The following PIEZO1 variants were observed in gnomAD, a reference collection of about 807,000 sequenced individuals.
The protein encoded by PIEZO1 is piezo type mechanosensitive ion channel component 1 (Er blood group).
PIEZO1 carries 296 observed loss-of-function variants against 297.2 expected under a neutral mutation model. The observed-to-expected ratio is 1.00, with a 90% CI of 0.91 to 1.10. PIEZO1 has a LOEUF of 1.10. Among genes scored for constraint, PIEZO1 ranks in the 50% least tolerant of loss-of-function variants. The probability of loss-of-function intolerance (pLI) is 0.00; values close to 1 mark genes in which losing one functional copy is unlikely to be tolerated. For synonymous variants in PIEZO1, 2,427 were observed against 1,507.5 expected, an observed-to-expected ratio of 1.61 and a Z score of -14.13; for missense variants, 5,018 against 3,455.5, an observed-to-expected ratio of 1.45 and a Z score of -11.34.
At position 88,775,985 on chromosome 16, in the gene PIEZO1, G is replaced by T. The variant is rs146504772; in HGVS notation, c.64+8916C>A. Among the ~76,000 whole-genome samples the T allele has an allele frequency of 5.1e-3, 777 of 152,262 alleles. 18 individuals carry two copies. Among genetic ancestry groups the T allele is most frequent in the Admixed American group, 0.039 (593 of 15,302 alleles). ...GCCACGGGAGGCGCCAACCAGAGCCGGAGCCTGGCTCCAGCATGCGCAGCA... is the reference window on the plus strand; with the variant it reads ...GCCACGGGAGGCGCCAACCAGAGCCTGAGCCTGGCTCCAGCATGCGCAGCA... On this transcript the variant is annotated intron_variant, in intron 1 of 50. Transcript: ENST00000301015.
intron 1 of PIEZO1, among the ~76,000 whole-genome samples, chr16:88,767,214 T>A (rs974291434): frequency 6.6e-6 from 1 of 152,170 alleles, no homozygotes; most frequent in South Asian, 2.1e-4. Context: ...GGGACATCCT[T>A]ACGGGAAGGA....
In PIEZO1 at chr16:88,719,559, C is replaced by T. The variant is rs973141674; in HGVS notation, c.6471+15G>A. On this transcript the variant is annotated intron_variant, in intron 44 of 50. Transcript: ENST00000301015. ...CCCTGGCCCTTGTCCCGGCCCCCGC[C>T]CTGGGCCCAGGCACCTTCTCTGTCT... The T allele has an allele frequency of 2.6e-6, 4 of 1,549,974 alleles. No individual in the cohort carries two copies. The South Asian group carries it at 3.6e-5, about 14-fold the overall frequency.
At chr16:88,717,372 C>T in intron 44 of PIEZO1, 161 bp from the exon 45 acceptor site, 1 of 673,536 alleles carries the variant, frequency 1.5e-6, no homozygotes, top group Non-Finnish European at 2.7e-6. Flanking sequence ...TGGAGTAGAA[C>T]TAAGAGTCCA....
In PIEZO1 at chr16:88,737,534, A is replaced by G. The variant is rs554896881; in HGVS notation, c.1195+25T>C. The G allele has an allele frequency of 9.5e-6, 14 of 1,468,656 alleles. No homozygotes were observed. The Middle Eastern group carries it at 9.1e-4, about 96-fold the overall frequency. The allele number at this position is 1,468,656 out of a possible 1,614,324, so 91.0% of individuals were successfully genotyped here. ...TCCGCCCCGCCCCCCGCACCCAGCC[A>G]TACCTTGCAGTGTGCGGTACTCACC... On this transcript the variant is annotated intron_variant, in intron 10 of 50. Coordinates refer to ENST00000301015, the MANE Select transcript of PIEZO1 (RefSeq NM_001142864.4).
chr16:88,726,747 CGTT>C lies in PIEZO1; in HGVS notation c.3664_3666del (p.Asn1222del), dbSNP rs1270192494. The C allele has an allele frequency of 2.6e-6, 4 of 1,549,872 alleles. No individual in the cohort carries two copies. In the South Asian group the frequency reaches 3.6e-5, roughly 14 times the overall value. ...ATGTTCTTGGAGATGATGACGGTGA[CGTT>C]GTACAGAATGAGGCAGTCCCACAGC... On this transcript the variant is annotated inframe_deletion, in exon 25 of 51. Coordinates refer to ENST00000301015, the MANE Select transcript of PIEZO1 (RefSeq NM_001142864.4).
At position 88,715,429 on chromosome 16, in the gene PIEZO1, G is replaced by A; in HGVS notation, c.*176C>T. ...GGGACGGCAGCGCCACGCAGGCCGT[G>A]GGGACGCAGTGTCCTTCTCTGACAG... On this transcript the variant is annotated 3_prime_UTR_variant, in exon 51 of 51. Coordinates refer to ENST00000301015, the MANE Select transcript of PIEZO1 (RefSeq NM_001142864.4). The A allele has an allele frequency of 1.1e-6, 1 of 922,610 alleles. No individual in the cohort carries two copies. The highest frequency in any genetic ancestry group is 1.6e-6 in the Non-Finnish European group (1 of 623,072). The allele number at this position is 922,610 out of a possible 1,614,324, so 57.2% of individuals were successfully genotyped here. A position where few individuals can be genotyped will look rare whatever the true frequency, so the allele number is the denominator to read the frequency against.
intron 2 of PIEZO1, among the ~76,000 whole-genome samples, chr16:88,749,108 C>T (rs1030696985): frequency 2.3e-4 from 35 of 151,708 alleles, no homozygotes; most frequent in African/African-American, 5.1e-4. Flanking sequence ...GGCGTGGTGG[C>T]GGGCGCCTGT....
At chr16:88,754,597 G>A (rs1906561210) in intron 1 of PIEZO1, among the ~76,000 whole-genome samples, 1 of 152,200 alleles carries the variant, frequency 6.6e-6, no homozygotes, top group Non-Finnish European at 1.5e-5. Context: ...AGGCCTGAAG[G>A]ACTGTCACAG....
rs149342271 is a variant in PIEZO1, at chr16:88,720,536, C to A, written c.5802-4G>T. On this transcript the variant is annotated splice_polypyrimidine_tract_variant and splice_region_variant and intron_variant, in intron 40 of 50. Coordinates refer to ENST00000301015, the MANE Select transcript of PIEZO1 (RefSeq NM_001142864.4). ...CGGCCGATATGTGCCCTGGGCCCTGCGGAAGGGGGCGCTCAGCCTGGGCCC... is the reference window on the plus strand; with the variant it reads ...CGGCCGATATGTGCCCTGGGCCCTGAGGAAGGGGGCGCTCAGCCTGGGCCC... 4 of 1,549,434 alleles carry A rather than the reference C, an allele frequency of 2.6e-6. No individual in the cohort carries two copies. The highest frequency in any genetic ancestry group is 3.5e-6 in the Non-Finnish European group (4 of 1,146,832).
intron 22 of PIEZO1, among the ~76,000 whole-genome samples, chr16:88,730,098 C>T (rs974773876): frequency 6.6e-6 from 1 of 152,220 alleles, no homozygotes; most frequent in African/African-American, 2.4e-5. Flanking sequence ...CGGTGATGCT[C>T]GAAAGCAGAT....
chr16:88,763,213 G>A (rs898748571), intron 1 of PIEZO1, among the ~76,000 whole-genome samples: 6 of 152,170 alleles, frequency 3.9e-5, no homozygotes, highest in Non-Finnish European at 8.8e-5. Context: ...GGCGGCTCAG[G>A]GCACTTACGG....
intron 22 of PIEZO1, among the ~76,000 whole-genome samples, chr16:88,730,294 G>A (rs1448812331): frequency 6.6e-6 from 1 of 152,224 alleles, no homozygotes; most frequent in Non-Finnish European, 1.5e-5. Context: ...GCGCCTGGGA[G>A]CAGAAAACAA....
intron 1 of PIEZO1, among the ~76,000 whole-genome samples, chr16:88,778,082 CTAGACA>C (rs1907749753): frequency 6.6e-6 from 1 of 152,180 alleles, no homozygotes; most frequent in Non-Finnish European, 1.5e-5. Context: ...CTGGAGGCTT[CTAGACA>C]CACGGGAGGG....
chr16:88,751,397 T>C (rs1906381092), intron 1 of PIEZO1, among the ~76,000 whole-genome samples: 1 of 152,092 alleles, frequency 6.6e-6, no homozygotes, highest in Non-Finnish European at 1.5e-5. Flanking sequence ...CTTCCCACTC[T>C]CAACAGCTTC....
rs59177269 is a variant in PIEZO1, at chr16:88,747,231, G to GA, written c.160+2152dup. On this transcript the variant is annotated intron_variant, in intron 2 of 50. Transcript: ENST00000301015. ...GGGCAACCAAGCAAGACCCCCACTC[G>GA]AAAAAAAAAAAAAAAGCCAAGCACG... is the stretch of plus-strand genomic sequence containing the variant. Among the ~76,000 whole-genome samples the GA allele has an allele frequency of 6.7e-3, 810 of 121,486 alleles. 4 individuals are homozygous for GA. Among genetic ancestry groups the GA allele is most frequent in the Middle Eastern group, 0.014 (3 of 214 alleles). The allele number at this position is 121,486 out of a possible 152,430, so 79.7% of individuals were successfully genotyped here. A position where few individuals can be genotyped will look rare whatever the true frequency, so the allele number is the denominator to read the frequency against.
intron 44 of PIEZO1, chr16:88,717,590 A>T: frequency 2.1e-6 from 1 of 470,376 alleles, no homozygotes; most frequent in Non-Finnish European, 4.2e-6. Context: ...GAACTTTTAG[A>T]AGAAAACGGG....
intron 44 of PIEZO1, 158 bp from the exon 45 acceptor site, chr16:88,717,369 G>A: frequency 1.5e-6 from 1 of 676,282 alleles, no homozygotes. Flanking sequence ...CAGTGGAGTA[G>A]AACTAAGAGT....
rs981420397 is a variant in PIEZO1, at chr16:88,737,943, G to C, written c.1011C>G (p.Pro337=). ...ASLRKLRAYR[P]SGQRKEAAKG... ...GGTGGCAGGTGCTCACCTGGCCGGA[G>C]GGGCGGTACGCGCGGAGCTTGCGCA... Residue 337 remains proline (P), a synonymous_variant, in exon 8 of 51, where the codon CCC becomes CCG. Transcript: ENST00000301015. The C allele has an allele frequency of 3.9e-6, 6 of 1,530,024 alleles. No individual in the cohort carries two copies. In the African/African-American group the frequency reaches 8.2e-5, roughly 21 times the overall value. 94.8% of individuals were successfully genotyped at this position (1,530,024 alleles called of 1,614,324 possible).
rs766867419 is a variant in PIEZO1 at position 88,737,828 on chromosome 16, C to A, written c.1021-14G>T. On this transcript the variant is annotated splice_polypyrimidine_tract_variant and intron_variant, in intron 8 of 50. Coordinates refer to ENST00000301015, the MANE Select transcript of PIEZO1 (RefSeq NM_001142864.4). ...CGCCTCCTTCCTCTGCAGAGACCAG[C>A]GTCTTGAGCCCAAACCAGCTCCACA... The A allele has an allele frequency of 2.0e-6, 3 of 1,535,362 alleles. No homozygotes were observed. The highest frequency in any genetic ancestry group is 2.4e-5 in the South Asian group (2 of 84,056).
Sources: gnomAD v4.1 joint callset for allele counts (sites outside exome capture counted in the v4.1 genomes callset) on GRCh38, gnomAD v4.1.1 for gene constraint, MANE v1.5 for transcripts, NCBI Gene and HGNC (gene_info 2026-07-23, HGNC 2026-07-21) for gene names.